Variants in ZNF704 observed in about 807,000 individuals in gnomAD.
ZNF704 encodes the protein zinc finger protein 704, also known as glucocorticoid induced gene 1.
ZNF704 carries 10 observed loss-of-function variants against 44.7 expected under a neutral mutation model. The ratio of observed to expected loss-of-function variants is 0.22; its 90% CI spans 0.14 to 0.38. The LOEUF is 0.38. ZNF704 is among the 10% of genes least tolerant of loss of function. ZNF704 has a pLI of 1.00. For synonymous variants in ZNF704, 211 were observed against 207.6 expected (o/e 1.02, Z -0.14); for missense variants, 390 against 545.5 (o/e 0.71, Z 2.84).
chr8:80,851,616 C>T (rs2635477), intron 1 of ZNF704, among the ~76,000 whole-genome samples: 4 of 151,756 alleles, frequency 2.6e-5, no homozygotes, highest in Non-Finnish European at 5.9e-5. Context: ...GGAGATACAC[C>T]TAATGCTAAA....
intron 2 of ZNF704, among the ~76,000 whole-genome samples, chr8:80,740,390 AG>A (rs1236580972): frequency 2.0e-5 from 3 of 152,150 alleles, no homozygotes; most frequent in African/African-American, 7.2e-5. Context: ...ATTAAACTAA[AG>A]GATTCTGCCT....
chr8:80,718,747 G>A (rs1178125453), intron 2 of ZNF704, among the ~76,000 whole-genome samples: 1 of 152,118 alleles, frequency 6.6e-6, no homozygotes, highest in Admixed American at 6.6e-5. Context: ...CGTAACTGAG[G>A]TTTTAATCCA....
At chr8:80,859,667 A>G (rs888475682) in intron 1 of ZNF704, among the ~76,000 whole-genome samples, 2 of 151,750 alleles carry the variant, frequency 1.3e-5, no homozygotes, top group Non-Finnish European at 2.9e-5. Context: ...TTATTTTTAC[A>G]CCGTGTTCTC....
chr8:80,790,519 C>G (rs562778644), intron 2 of ZNF704, among the ~76,000 whole-genome samples: 1 of 152,108 alleles, frequency 6.6e-6, no homozygotes, highest in Non-Finnish European at 1.5e-5. Flanking sequence ...GACCAGTTTA[C>G]AGACTTTTTT....
intron 2 of ZNF704, among the ~76,000 whole-genome samples, chr8:80,808,456 T>A (rs76823045): frequency 6.6e-6 from 1 of 152,214 alleles, no homozygotes; most frequent in East Asian, 1.9e-4. Context: ...TTTCAAGTTG[T>A]AACTTTATTT....
rs779463151 is a variant in ZNF704 at position 80,643,112 on chromosome 8, A to T, written c.1050T>A (p.His350Gln). ...GTCTCTGCTCTCCTGTGCCCACCGG[A>T]TGATGTGTGGGTGACACCTGGTGAA... ...FTGIPVSPTHHPVGTGEQRQH... is the reference protein window; with the variant it reads ...FTGIPVSPTHQPVGTGEQRQH... Residue 350 changes from histidine (H) to glutamine (Q), a missense_variant, in exon 8 of 9, where the codon CAT becomes CAA. His to Gln is a conservative substitution (Grantham distance 24). Transcript: ENST00000327835. 3 of 1,605,926 alleles carry T rather than the reference A, an allele frequency of 1.9e-6. No individual in the cohort carries two copies. Among genetic ancestry groups the T allele is most frequent in the African/African-American group, 2.7e-5 (2 of 74,766 alleles).
chr8:80,652,337 T>C (rs1027910063), intron 7 of ZNF704, among the ~76,000 whole-genome samples: 1 of 150,812 alleles, frequency 6.6e-6, no homozygotes, highest in African/African-American at 2.4e-5. Flanking sequence ...CTGAAAGAAA[T>C]AGAGACACAA....
intron 2 of ZNF704, among the ~76,000 whole-genome samples, chr8:80,720,782 G>A (rs1819151340): frequency 6.6e-6 from 1 of 152,224 alleles, no homozygotes; most frequent in Admixed American, 6.5e-5. Flanking sequence ...AAGCCCCATA[G>A]TCAGCTACAG....
chr8:80,823,910 C>A (rs1184601799), intron 1 of ZNF704, among the ~76,000 whole-genome samples: 2 of 152,154 alleles, frequency 1.3e-5, no homozygotes, highest in African/African-American at 2.4e-5. Context: ...CACACCAAAA[C>A]CCCATCTGTA....
chr8:80,717,159 A>G (rs1819084019), intron 2 of ZNF704, among the ~76,000 whole-genome samples: 1 of 152,240 alleles, frequency 6.6e-6, no homozygotes, highest in African/African-American at 2.4e-5. Flanking sequence ...ATCCAACTGT[A>G]GTCCACCCAT....
intron 2 of ZNF704, among the ~76,000 whole-genome samples, chr8:80,739,533 T>C: frequency 6.6e-6 from 1 of 152,208 alleles, no homozygotes; most frequent in East Asian, 1.9e-4. Context: ...CTAGTTCACC[T>C]GACCAACTAT....
intron 2 of ZNF704, among the ~76,000 whole-genome samples, chr8:80,715,502 A>G (rs954899602): frequency 2.0e-5 from 3 of 152,036 alleles, no homozygotes; most frequent in African/African-American, 7.2e-5. Context: ...GTGTCTTCCA[A>G]TTTCTGTTTT....
intron 2 of ZNF704, among the ~76,000 whole-genome samples, chr8:80,712,493 G>C (rs1819002445): frequency 6.6e-6 from 1 of 152,130 alleles, no homozygotes. Flanking sequence ...AAGTGGAAAT[G>C]AATGGGCACA....
At chr8:80,711,687 C>G (rs953175024) in intron 2 of ZNF704, among the ~76,000 whole-genome samples, 13 of 152,188 alleles carry the variant, frequency 8.5e-5, no homozygotes, top group African/African-American at 2.7e-4. Flanking sequence ...TACTGAGGCT[C>G]AGATTTTTTA....
At chr8:80,757,884 G>A (rs1441044878) in intron 2 of ZNF704, among the ~76,000 whole-genome samples, 1 of 152,162 alleles carries the variant, frequency 6.6e-6, no homozygotes, top group Non-Finnish European at 1.5e-5. Context: ...TACCATCAAG[G>A]TTTGTGTTAA....
chr8:80,793,147 T>A (rs1807740358), intron 2 of ZNF704, among the ~76,000 whole-genome samples: 1 of 152,194 alleles, frequency 6.6e-6, no homozygotes, highest in African/African-American at 2.4e-5. Flanking sequence ...AATTTGGAAT[T>A]GAATAACCTA....
At chr8:80,839,550 A>G (rs548086719) in intron 1 of ZNF704, among the ~76,000 whole-genome samples, 1 of 152,358 alleles carries the variant, frequency 6.6e-6, no homozygotes, top group East Asian at 1.9e-4. Context: ...TACATATTAG[A>G]ATAAATTTGC....
chr8:80,848,726 A>C (rs1808808797), intron 1 of ZNF704, among the ~76,000 whole-genome samples: 1 of 151,680 alleles, frequency 6.6e-6, no homozygotes, highest in African/African-American at 2.4e-5. Context: ...AGTCCCAGCT[A>C]CTCACCACTG....
intron 4 of ZNF704, among the ~76,000 whole-genome samples, chr8:80,675,882 A>G (rs1818357074): frequency 6.6e-6 from 1 of 152,172 alleles, no homozygotes; most frequent in African/African-American, 2.4e-5. Context: ...TGGAGCACTG[A>G]AAGCTTGGGT....
Sources: allele counts gnomAD v4.1 joint callset (sites outside exome capture counted in the v4.1 genomes callset), GRCh38; gene constraint gnomAD v4.1.1; transcripts MANE v1.5; gene names NCBI Gene and HGNC (gene_info 2026-07-23, HGNC 2026-07-21).